Variants in KIAA1217 observed in about 807,000 individuals in gnomAD.
KIAA1217 encodes the protein KIAA1217, also known as sickle tail protein homolog.
Under a neutral mutation model 163.9 loss-of-function variants are expected in KIAA1217, and 88 were observed. That is an observed-to-expected ratio of 0.54 (90% CI 0.45 to 0.64). The LOEUF (loss-of-function observed/expected upper bound fraction) is 0.64. Among genes scored for constraint, KIAA1217 ranks in the 30% least tolerant of loss-of-function variants. The pLI is 0.00. For synonymous variants in KIAA1217, 903 were observed against 923.1 expected (o/e 0.98, Z 0.39); for missense variants, 2,372 against 2,475.0 (o/e 0.96, Z 0.88).
At chr10:23,855,631 C>T (rs1043040910) in intron 1 of KIAA1217, among the ~76,000 whole-genome samples, 18 of 152,168 alleles carry the variant, frequency 1.2e-4, no homozygotes, top group African/African-American at 3.6e-4. Context: ...CCATTCTCCC[C>T]GTCACTTTCA....
At chr10:24,493,035 G>A (rs1011307920) in intron 6 of KIAA1217, among the ~76,000 whole-genome samples, 6 of 151,980 alleles carry the variant, frequency 3.9e-5, no homozygotes, top group Admixed American at 2.6e-4. Context: ...TAGTAGAGAC[G>A]GGGTTTCACC....
chr10:24,320,690 G>A (rs1436493225), intron 2 of KIAA1217, among the ~76,000 whole-genome samples: 2 of 152,136 alleles, frequency 1.3e-5, no homozygotes, highest in East Asian at 1.9e-4. Context: ...TGATTTCATG[G>A]CAGGAAGACG....
chr10:24,156,229 ATTTTTGTCTCCC>A lies in KIAA1217; in HGVS notation c.-170-63391_-170-63380del, dbSNP rs543087157. ...GAGTAAATGGTATCATACATACTCCATTTTTGTCTCCCTTTTTCAACCAGCATAATTATTTTG... is the reference window on the plus strand; with the variant it reads ...GAGTAAATGGTATCATACATACTCCATTTTTCAACCAGCATAATTATTTTG... On this transcript the variant is annotated intron_variant, in intron 2 of 18. Coordinates refer to the KIAA1217 transcript ENST00000376462. 1.1e-4 allele frequency among the ~76,000 whole-genome samples: 17 copies of A among 152,182 alleles called. No individual in the cohort carries two copies. The East Asian group carries it at 3.3e-3, about 29-fold the overall frequency.
At chr10:23,748,027 A>G (rs1481289058) in intron 1 of KIAA1217, among the ~76,000 whole-genome samples, 1 of 152,170 alleles carries the variant, frequency 6.6e-6, no homozygotes, top group Admixed American at 6.5e-5. Context: ...TGGAAACCCC[A>G]AGGCCAGTTG....
rs1372923961 is a variant in KIAA1217, at chr10:23,840,157, C to CT, written c.-321+144925dup. On this transcript the variant is annotated intron_variant, in intron 1 of 18. Transcript: ENST00000376462. ...TATTTCCAATGCTCTTGTAATTACG[C>CT]TTCTTTTTTTTTTTTGAGAGGAAGT... Among the ~76,000 whole-genome samples, 702 of 148,950 alleles carry CT rather than the reference C, an allele frequency of 4.7e-3. 10 individuals carry two copies. Among genetic ancestry groups the CT allele is most frequent in the African/African-American group, 0.016 (631 of 39,150 alleles).
intron 1 of KIAA1217, among the ~76,000 whole-genome samples, chr10:23,704,063 A>G (rs1031732101): frequency 2.7e-5 from 4 of 146,904 alleles, no homozygotes; most frequent in African/African-American, 1.0e-4. Flanking sequence ...ACAATATACT[A>G]TATATATATA....
intron 1 of KIAA1217, among the ~76,000 whole-genome samples, chr10:23,945,468 G>A (rs1208868421): frequency 6.6e-6 from 1 of 152,156 alleles, no homozygotes; most frequent in African/African-American, 2.4e-5. Flanking sequence ...ATGGAAGGAG[G>A]TAGGCATTGA....
At chr10:24,194,358 C>CCCCTTT (rs2066884056) in intron 2 of KIAA1217, among the ~76,000 whole-genome samples, 2 of 123,936 alleles carry the variant, frequency 1.6e-5, no homozygotes, top group African/African-American at 6.0e-5. Flanking sequence ...CACTCCCCTT[C>CCCCTTT]CTTCATCCCT....
intron 2 of KIAA1217, among the ~76,000 whole-genome samples, chr10:24,085,840 G>A (rs1383811122): frequency 6.6e-6 from 1 of 152,042 alleles, no homozygotes; most frequent in African/African-American, 2.4e-5. Context: ...GGGCATAACT[G>A]CATGTGCCTG....
chr10:24,458,697 G>T (rs1302945480), intron 5 of KIAA1217, among the ~76,000 whole-genome samples: 2 of 152,138 alleles, frequency 1.3e-5, no homozygotes, highest in Admixed American at 1.3e-4. Flanking sequence ...AATGAGATGA[G>T]AATTAAATGA....
chr10:23,790,552 CATATGTACATATGTAT>C lies in KIAA1217; in HGVS notation c.-321+95323_-321+95338del, dbSNP rs1445823564. On this transcript the variant is annotated intron_variant, in intron 1 of 18. Transcript: ENST00000376462. ...ATATACATATACATGTGCATATATA[CATATGTACATATGTAT>C]ATATACATATGTATATGTACATATA... Among the ~76,000 whole-genome samples the C allele has an allele frequency of 3.9e-5, 4 of 102,096 alleles. 1 individual carries two copies. Among genetic ancestry groups the C allele is most frequent in the Non-Finnish European group, 7.1e-5 (4 of 56,436 alleles). The allele number at this position is 102,096 out of a possible 152,430, so 67.0% of individuals were successfully genotyped here. A position where few individuals can be genotyped will look rare whatever the true frequency, so the allele number is the denominator to read the frequency against.
chr10:23,789,426 G>C (rs1409335805), intron 1 of KIAA1217, among the ~76,000 whole-genome samples: 1 of 152,098 alleles, frequency 6.6e-6, no homozygotes, highest in African/African-American at 2.4e-5. Flanking sequence ...AATATTGTTA[G>C]GCTCTTACCT....
intron 1 of KIAA1217, among the ~76,000 whole-genome samples, chr10:23,963,605 A>T (rs913700110): frequency 1.3e-5 from 2 of 152,126 alleles, no homozygotes; most frequent in African/African-American, 2.4e-5. Flanking sequence ...TAGTAGAATG[A>T]TTTACAATCC....
intron 1 of KIAA1217, among the ~76,000 whole-genome samples, chr10:23,983,860 G>A (rs1434294976): frequency 1.3e-5 from 2 of 152,194 alleles, no homozygotes; most frequent in Non-Finnish European, 2.9e-5. Flanking sequence ...AGGTCCATAT[G>A]TTGCTCTTCT....
In KIAA1217 at chr10:24,191,815, G is replaced by A. The variant is rs537876047; in HGVS notation, c.-170-27811G>A. ...GTTGCCCAGGCTGGAGTGCAATGGC[G>A]CAACCTCAACTCACTGCAACCTCCA... On this transcript the variant is annotated intron_variant, in intron 2 of 18. Transcript: ENST00000376462. Among the ~76,000 whole-genome samples, 30 of 152,234 alleles carry A rather than the reference G, an allele frequency of 2.0e-4. No homozygotes were observed. In the East Asian group the frequency reaches 5.2e-3, roughly 26 times the overall value.
intron 2 of KIAA1217, among the ~76,000 whole-genome samples, chr10:24,299,258 A>G (rs866313769): frequency 6.6e-6 from 1 of 152,156 alleles, no homozygotes; most frequent in African/African-American, 2.4e-5. Flanking sequence ...GAGCCTAACA[A>G]CCAACTTAGG....
intron 2 of KIAA1217, among the ~76,000 whole-genome samples, chr10:24,304,209 T>TG (rs2041732260): frequency 6.6e-6 from 1 of 150,502 alleles, no homozygotes; most frequent in Admixed American, 6.6e-5. Context: ...GGTTACCTTT[T>TG]TTTTTTTTTT....
chr10:24,232,495 G>A (rs970960199), intron 2 of KIAA1217, among the ~76,000 whole-genome samples: 1 of 152,146 alleles, frequency 6.6e-6, no homozygotes, highest in East Asian at 1.9e-4. Context: ...CCGGGGGTAG[G>A]TGGGGAAGTA....
At chr10:24,457,423 G>T (rs2061920637) in intron 5 of KIAA1217, among the ~76,000 whole-genome samples, 1 of 151,104 alleles carries the variant, frequency 6.6e-6, no homozygotes, top group Non-Finnish European at 1.5e-5. Context: ...ACCCAGGCTG[G>T]AGTGCAGTGG....
Sources: allele counts gnomAD v4.1 joint callset (sites outside exome capture counted in the v4.1 genomes callset), GRCh38; gene constraint gnomAD v4.1.1; transcripts MANE v1.5; gene names NCBI Gene and HGNC (gene_info 2026-07-23, HGNC 2026-07-21).